The following CDIN1 variants were observed in gnomAD, a reference collection of about 807,000 sequenced individuals.
CDIN1 encodes CDAN1-interacting nuclease 1.
A neutral mutation model predicts 45.3 loss-of-function variants in CDIN1; 33 were observed. The ratio of observed to expected loss-of-function variants is 0.73; its 90% CI spans 0.55 to 0.97. CDIN1 has a LOEUF of 0.97. Ranked by LOEUF, CDIN1 falls within the 50% of genes least tolerant of loss-of-function variation. The probability of loss-of-function intolerance (pLI) is 0.00; values close to 1 mark genes in which losing one functional copy is unlikely to be tolerated. For missense variants in CDIN1, 303 were observed against 339.4 expected, an observed-to-expected ratio of 0.89 and a Z score of 0.84; for synonymous variants, 118 against 124.4, an observed-to-expected ratio of 0.95 and a Z score of 0.34.
chr15:36,747,630 C>T (rs2140960203), intron 10 of CDIN1, among the ~76,000 whole-genome samples: 1 of 152,228 alleles, frequency 6.6e-6, no homozygotes, highest in East Asian at 1.9e-4. Flanking sequence ...AGATTTAAGT[C>T]ACTCAGTGTT....
intron 1 of CDIN1, among the ~76,000 whole-genome samples, chr15:36,622,490 A>G (rs998984194): frequency 1.3e-5 from 2 of 152,154 alleles, no homozygotes; most frequent in Admixed American, 6.5e-5. Flanking sequence ...ATCCTTGGGG[A>G]CTGGTTCCTG....
chr15:36,637,052 A>G (rs1222341027), intron 1 of CDIN1, among the ~76,000 whole-genome samples: 1 of 152,230 alleles, frequency 6.6e-6, no homozygotes, highest in Admixed American at 6.5e-5. Flanking sequence ...TACCTGGTTT[A>G]GCTACAGTCA....
intron 3 of CDIN1, among the ~76,000 whole-genome samples, chr15:36,650,166 G>T (rs778434902): frequency 1.8e-4 from 27 of 152,164 alleles, no homozygotes; most frequent in Non-Finnish European, 3.1e-4. Flanking sequence ...CTTTGCTATT[G>T]ATGGGGACTT....
intron 5 of CDIN1, among the ~76,000 whole-genome samples, chr15:36,681,467 A>G (rs1282159810): frequency 6.6e-6 from 1 of 152,144 alleles, no homozygotes; most frequent in Non-Finnish European, 1.5e-5. Flanking sequence ...GATGTCTAAT[A>G]CCAGTTTCAG....
At chr15:36,712,489 C>T (rs2043091094) in intron 10 of CDIN1, among the ~76,000 whole-genome samples, 1 of 152,036 alleles carries the variant, frequency 6.6e-6, no homozygotes, top group Admixed American at 6.6e-5. Flanking sequence ...TGGTCTCGAA[C>T]TCCTGACCTC....
At chr15:36,594,927 A>T in intron 1 of CDIN1, 1 of 984,288 alleles carries the variant, frequency 1.0e-6, no homozygotes, top group Non-Finnish European at 1.2e-6. Context: ...TGGTAAGTTC[A>T]TCTGTTTTTA....
chr15:36,608,758 G>T (rs1218570257), intron 1 of CDIN1, among the ~76,000 whole-genome samples: 1 of 151,604 alleles, frequency 6.6e-6, no homozygotes, highest in Admixed American at 6.6e-5. Flanking sequence ...AGTTCTTATT[G>T]TTCAATACAC....
Position 36,599,054 on chromosome 15 carries a change from G to T in CDIN1, c.101+19093G>T, listed in dbSNP as rs557112343. Reference sequence around the variant, plus strand: ...CTTGCTAACTTTCTGATGTGGGCCTGTGCTTATTTTTATGATCTCTTTTGA... The same window carrying T: ...CTTGCTAACTTTCTGATGTGGGCCTTTGCTTATTTTTATGATCTCTTTTGA... On this transcript the variant is annotated intron_variant, in intron 1 of 10. Coordinates refer to ENST00000566621, the MANE Select transcript of CDIN1 (RefSeq NM_001321759.2). Among the ~76,000 whole-genome samples, 4 of 149,930 alleles carry T rather than the reference G, an allele frequency of 2.7e-5. No individual in the cohort carries two copies. The East Asian group carries it at 7.8e-4, about 29-fold the overall frequency.
chr15:36,691,082 T>C (rs2140706610), intron 5 of CDIN1: 1 of 498,868 alleles, frequency 2.0e-6, no homozygotes, highest in East Asian at 5.6e-5. Context: ...ATATTTTCCT[T>C]ATTTAAGATT....
chr15:36,617,800 G>A (rs1406105079), intron 1 of CDIN1: 30 of 804,328 alleles, frequency 3.7e-5, no homozygotes, highest in Non-Finnish European at 6.2e-5. Flanking sequence ...GTAGCAGCTG[G>A]TATATCACTT....
At chr15:36,791,408 A>G (rs969192235) in intron 10 of CDIN1, among the ~76,000 whole-genome samples, 5 of 152,228 alleles carry the variant, frequency 3.3e-5, no homozygotes, top group African/African-American at 9.6e-5. Context: ...AAATAAATAT[A>G]TAATTGTAAC....
chr15:36,682,077 ATGTG>A (rs745531678), intron 5 of CDIN1, among the ~76,000 whole-genome samples: 3 of 149,524 alleles, frequency 2.0e-5, no homozygotes, highest in African/African-American at 4.9e-5. Context: ...GGGTGTGTGT[ATGTG>A]TGTGTGTGTG....
At chr15:36,585,697 A>G (rs764454477) in intron 1 of CDIN1, among the ~76,000 whole-genome samples, 3 of 152,080 alleles carry the variant, frequency 2.0e-5, no homozygotes, top group Non-Finnish European at 2.9e-5. Flanking sequence ...TACTTTTATT[A>G]TTATTATTAT....
chr15:36,592,782 A>G (rs978789109), intron 1 of CDIN1, among the ~76,000 whole-genome samples: 6 of 152,040 alleles, frequency 3.9e-5, no homozygotes, highest in Non-Finnish European at 5.9e-5. Context: ...CCATATATAC[A>G]TGTCTCATTT....
intron 10 of CDIN1, among the ~76,000 whole-genome samples, chr15:36,798,215 A>C (rs1341322642): frequency 6.6e-6 from 1 of 152,084 alleles, no homozygotes; most frequent in Non-Finnish European, 1.5e-5. Context: ...ATTTTAAAAG[A>C]AGTGTTTGTT....
At chr15:36,736,303 G>T (rs965523090) in intron 10 of CDIN1, among the ~76,000 whole-genome samples, 1 of 151,962 alleles carries the variant, frequency 6.6e-6, no homozygotes, top group Non-Finnish European at 1.5e-5. Context: ...TGCATGGTTT[G>T]CCCTGTGCTT....
At chr15:36,687,028 A>G (rs1376290605) in intron 5 of CDIN1, among the ~76,000 whole-genome samples, 1 of 121,272 alleles carries the variant, frequency 8.2e-6, no homozygotes, top group Non-Finnish European at 1.7e-5. Context: ...GAATAGAAGG[A>G]AGGGAGGGAG....
intron 10 of CDIN1, among the ~76,000 whole-genome samples, chr15:36,787,883 T>C (rs2054531808): frequency 6.6e-6 from 1 of 150,786 alleles, no homozygotes; most frequent in African/African-American, 2.4e-5. Flanking sequence ...TTTAATATGA[T>C]AAATATGTAT....
intron 10 of CDIN1, among the ~76,000 whole-genome samples, chr15:36,721,196 T>G (rs1277265027): frequency 1.3e-5 from 2 of 152,220 alleles, no homozygotes; most frequent in Non-Finnish European, 2.9e-5. Context: ...ATGGGTAGAT[T>G]GCAAAAATTT....
Sources: allele counts gnomAD v4.1 joint callset (sites outside exome capture counted in the v4.1 genomes callset), GRCh38; gene constraint gnomAD v4.1.1; transcripts MANE v1.5; gene names NCBI Gene and HGNC (gene_info 2026-07-23, HGNC 2026-07-21).